Variants in CPAMD8 observed in about 807,000 individuals in gnomAD.
CPAMD8 encodes the protein C3 and PZP like alpha-2-macroglobulin domain containing 8.
A neutral mutation model predicts 224.7 loss-of-function variants in CPAMD8; 146 were observed. The ratio of observed to expected loss-of-function variants is 0.65; its 90% CI spans 0.57 to 0.75. The LOEUF (loss-of-function observed/expected upper bound fraction) is 0.75, where lower values mean the gene tolerates loss of function less well. Among genes scored for constraint, CPAMD8 ranks in the 30% least tolerant of loss-of-function variants. CPAMD8 has a pLI of 0.00. For missense variants in CPAMD8, 2,301 were observed against 2,537.5 expected, an observed-to-expected ratio of 0.91 and a Z score of 2.00; for synonymous variants, 966 against 1,044.6, an observed-to-expected ratio of 0.92 and a Z score of 1.45.
intron 34 of CPAMD8, 57 bp downstream of exon 34, chr19:16,903,504 G>A (rs2052343151): frequency 1.9e-6 from 3 of 1,609,930 alleles, no homozygotes; most frequent in African/African-American, 1.3e-5. Flanking sequence ...TGTGATTGGA[G>A]GGAATGGGGC....
intron 29 of CPAMD8, 113 bp from the exon 30 acceptor site, chr19:16,907,230 T>C: frequency 1.5e-6 from 2 of 1,298,706 alleles, no homozygotes; most frequent in East Asian, 3.1e-5. Context: ...CCTAGCCCCT[T>C]GCTTTGCATC....
chr19:16,976,558 C>G (rs995108223), intron 15 of CPAMD8, among the ~76,000 whole-genome samples: 1 of 152,034 alleles, frequency 6.6e-6, no homozygotes, highest in Admixed American at 6.6e-5. Context: ...CATGCACCCC[C>G]TGCCCACCAA....
intron 14 of CPAMD8, among the ~76,000 whole-genome samples, chr19:16,979,508 G>GTCCA (rs56393692): frequency 0.44 from 60,901 of 139,806 alleles, 13,774 homozygotes; most frequent in African/African-American, 0.64. Context: ...CCATCTTTTG[G>GTCCA]TCCATCCATC....
chr19:16,925,092 T>C (rs919943799), intron 26 of CPAMD8, 104 bp downstream of exon 26: 16 of 1,241,838 alleles, frequency 1.3e-5, no homozygotes, highest in Middle Eastern at 2.7e-4. Flanking sequence ...TCCTCCCCTT[T>C]GCTGCACCTG....
intron 3 of CPAMD8, among the ~76,000 whole-genome samples, chr19:17,014,000 T>G (rs1432991452): frequency 7.9e-6 from 1 of 126,816 alleles, no homozygotes. Context: ...TACACATTCC[T>G]TCCCTCCCTC....
intron 26 of CPAMD8, 29 bp from the exon 27 acceptor site, chr19:16,922,015 C>T (rs996903618): frequency 3.2e-5 from 49 of 1,510,438 alleles, no homozygotes; most frequent in Middle Eastern, 1.9e-4. Flanking sequence ...GGACCCTGTC[C>T]TGTTGAGTGG....
chr19:16,904,245 C>T lies in CPAMD8; in HGVS notation c.4232G>A (p.Gly1411Glu). ...GCTCGCCTGAGTGGAGGAGAAGCCC[C>T]CAAGTGCATTTCGCTGCTGGGACAG... ...KWLSQQRNAL[G>E]GFSSTQDTCV... Residue 1411 changes from glycine (G) to glutamate (E), a missense_variant, in exon 32 of 42, where the codon GGG becomes GAG. Around this residue, in one of 4 missense-constraint regions of CPAMD8, gnomAD observed 1,709 missense variants for 1,753.2 expected, o/e 0.97. Transcript: ENST00000443236. The T allele has an allele frequency of 1.2e-6, 2 of 1,612,944 alleles. No individual in the cohort carries two copies. The highest frequency in any genetic ancestry group is 1.7e-6 in the Non-Finnish European group (2 of 1,179,868).
chr19:16,954,213 G>A (rs1830742734), intron 19 of CPAMD8, among the ~76,000 whole-genome samples: 1 of 151,956 alleles, frequency 6.6e-6, no homozygotes, highest in African/African-American at 2.4e-5. Flanking sequence ...CGTGTCTGTA[G>A]TTCCAGCTAT....
chr19:16,913,002 A>G (rs1236208665), intron 29 of CPAMD8, among the ~76,000 whole-genome samples: 1 of 152,236 alleles, frequency 6.6e-6, no homozygotes, highest in East Asian at 1.9e-4. Context: ...CCCAGCTATC[A>G]TACAGGGCCA....
chr19:16,969,496 C>T (rs183709781), intron 18 of CPAMD8, among the ~76,000 whole-genome samples: 171 of 152,282 alleles, frequency 1.1e-3, no homozygotes, highest in Non-Finnish European at 1.9e-3. Flanking sequence ...CAAATCTTAA[C>T]CTCCGAGGTG....
At position 16,990,863 on chromosome 19, in the gene CPAMD8, CAAAAAAAAAAA is replaced by C. The variant is rs3067791; in HGVS notation, c.1267-1103_1267-1093del. Among the ~76,000 whole-genome samples, 191 of 73,128 alleles carry C rather than the reference CAAAAAAAAAAA, an allele frequency of 2.6e-3. 2 individuals are homozygous for C. Among genetic ancestry groups the C allele is most frequent in the African/African-American group, 0.01 (168 of 16,596 alleles). The allele number at this position is 73,128 out of a possible 152,430, so 48.0% of individuals were successfully genotyped here. A position where few individuals can be genotyped will look rare whatever the true frequency, so the allele number is the denominator to read the frequency against. On this transcript the variant is annotated intron_variant, in intron 12 of 41. Coordinates refer to ENST00000443236, the MANE Select transcript of CPAMD8 (RefSeq NM_015692.5). Reference sequence around the variant, plus strand: ...GGGCAATAAGAGCAAAACTCTGTCTCAAAAAAAAAAAAAAAAAAAAAAAAAAAAAGTTGGCC... The same window carrying C: ...GGGCAATAAGAGCAAAACTCTGTCTCAAAAAAAAAAAAAAAAAAGTTGGCC...
rs746100689 is a variant in CPAMD8 at position 16,904,077 on chromosome 19, T to C, written c.4251+149A>G. On this transcript the variant is annotated intron_variant, in intron 32 of 41. Coordinates refer to ENST00000443236, the MANE Select transcript of CPAMD8 (RefSeq NM_015692.5). Reference sequence around the variant, plus strand: ...CTCCCATGGGGGATCCAGGGGCATCTGTCCCTCACCCCCAACCCCTGCCCT... The same window carrying C: ...CTCCCATGGGGGATCCAGGGGCATCCGTCCCTCACCCCCAACCCCTGCCCT... The C allele has an allele frequency of 1.8e-4, 183 of 999,772 alleles. 1 individual carries two copies. Among genetic ancestry groups the C allele is most frequent in the Non-Finnish European group, 2.6e-4 (178 of 692,798 alleles). The allele number at this position is 999,772 out of a possible 1,614,324, so 61.9% of individuals were successfully genotyped here. A position where few individuals can be genotyped will look rare whatever the true frequency, so the allele number is the denominator to read the frequency against.
At chr19:17,009,048 A>G (rs2056574767) in intron 6 of CPAMD8, 4 of 527,174 alleles carry the variant, frequency 7.6e-6, no homozygotes, top group Non-Finnish European at 1.3e-5. Context: ...GTGAGCCAAG[A>G]TCAGCACCAC....
rs748090856 is a variant in CPAMD8 at position 16,899,501 on chromosome 19, G to A, written c.4822C>T (p.Arg1608Cys). Residue 1608 changes from arginine (R) to cysteine (C), a missense_variant, in exon 37 of 42, where the codon CGC becomes TGC. Around this residue, in one of 4 missense-constraint regions of CPAMD8, gnomAD observed 1,709 missense variants for 1,753.2 expected, o/e 0.97. Coordinates refer to ENST00000443236, the MANE Select transcript of CPAMD8 (RefSeq NM_015692.5). The surrounding 1 kb of genome is among the most constrained non-coding windows in gnomAD (Gnocchi z 5.4). ...MGMKRYEVAG[R>C]RVLFYFDEIP... Reference sequence around the variant, plus strand: ...TCATCAAAGTAGAAGAGCACTCGGCGTCCAGCCACTTCATACCTCTTCATC... The same window carrying A: ...TCATCAAAGTAGAAGAGCACTCGGCATCCAGCCACTTCATACCTCTTCATC... 6.9e-5 allele frequency: 108 copies of A among 1,576,622 alleles called. No homozygotes were observed. Among genetic ancestry groups the A allele is most frequent in the Non-Finnish European group, 8.4e-5 (96 of 1,146,466 alleles).
intron 35 of CPAMD8, among the ~76,000 whole-genome samples, chr19:16,902,403 G>C (rs182103466): frequency 6.6e-6 from 1 of 152,224 alleles, no homozygotes; most frequent in Non-Finnish European, 1.5e-5. Context: ...TGTAGTCCCA[G>C]CTACTCGGGA....
At chr19:16,965,545 T>A (rs1476498000) in intron 18 of CPAMD8, among the ~76,000 whole-genome samples, 1 of 152,078 alleles carries the variant, frequency 6.6e-6, no homozygotes, top group Non-Finnish European at 1.5e-5. Flanking sequence ...AAAGAGGAAG[T>A]CAAATTGTCC....
Position 16,928,096 on chromosome 19 carries a change from C to T in CPAMD8, c.3283G>A (p.Val1095Met), listed in dbSNP as rs201595469. The change falls in exon 25 of 42, where the codon GTG becomes ATG. Residue 1095 changes from valine to methionine, a missense_variant. Coordinates refer to ENST00000443236, the MANE Select transcript of CPAMD8 (RefSeq NM_015692.5). ...AAGGCCTCGCTGTAGCTCTCGTCCA[C>T]CTCCATCTTCCTCCAGATTCGGAAT... ...GEFRIWRKME[V>M]DESYSEAFTL... 1 of 1,614,044 alleles carries T rather than the reference C, an allele frequency of 6.2e-7. No individual in the cohort carries two copies. The highest frequency in any genetic ancestry group is 1.1e-5 in the South Asian group (1 of 91,086).
intron 1 of CPAMD8, among the ~76,000 whole-genome samples, chr19:17,025,674 C>T (rs1314324908): frequency 2.0e-5 from 3 of 152,086 alleles, no homozygotes; most frequent in Admixed American, 6.6e-5. Flanking sequence ...AGACAAAAAT[C>T]CCCCCCAGGG....
intron 27 of CPAMD8, among the ~76,000 whole-genome samples, chr19:16,917,596 C>A (rs2053009356): frequency 6.6e-6 from 1 of 152,190 alleles, no homozygotes; most frequent in South Asian, 2.1e-4. Context: ...AAAAAATTAG[C>A]TGGGCATGGT....
Sources: allele counts gnomAD v4.1 joint callset (sites outside exome capture counted in the v4.1 genomes callset), GRCh38; gene constraint gnomAD v4.1.1; regional missense constraint gnomAD v4.1.1; non-coding constraint Gnocchi (gnomAD v3.1); transcripts MANE v1.5; gene names NCBI Gene and HGNC (gene_info 2026-07-23, HGNC 2026-07-21).